Variants in GPC6 observed in about 807,000 individuals in gnomAD.
GPC6 encodes glypican 6.
A neutral mutation model predicts 55.2 loss-of-function variants in GPC6; 14 were observed. The ratio of observed to expected loss-of-function variants is 0.25; its 90% CI spans 0.17 to 0.40. GPC6 has a LOEUF of 0.40. Ranked by LOEUF, GPC6 falls within the 10% of genes least tolerant of loss-of-function variation. The probability of loss-of-function intolerance (pLI) is 1.00; values close to 1 mark genes in which losing one functional copy is unlikely to be tolerated. For synonymous variants in GPC6, 278 were observed against 259.6 expected (o/e 1.07, Z -0.68); for missense variants, 641 against 708.5 (o/e 0.90, Z 1.08).
At chr13:94,236,211 CT>C (rs1890872394) in intron 4 of GPC6, among the ~76,000 whole-genome samples, 1 of 152,218 alleles carries the variant, frequency 6.6e-6, no homozygotes, top group Middle Eastern at 3.4e-3. Context: ...CTGAGTCCCC[CT>C]ATTAGATAAA....
chr13:94,401,946 A>ATTGC (rs1881151957), intron 8 of GPC6, among the ~76,000 whole-genome samples: 1 of 146,078 alleles, frequency 6.8e-6, no homozygotes, highest in Non-Finnish European at 1.5e-5. Flanking sequence ...TGATTGATTG[A>ATTGC]TAGATAGATA....
chr13:94,060,893 A>G (rs1051447249), intron 4 of GPC6, among the ~76,000 whole-genome samples: 12 of 152,220 alleles, frequency 7.9e-5, no homozygotes, highest in South Asian at 2.1e-4. Context: ...TGTTGAAAGT[A>G]ATTGTACATG....
intron 4 of GPC6, among the ~76,000 whole-genome samples, chr13:94,055,589 CTG>C (rs769355936): frequency 5.9e-5 from 9 of 152,188 alleles, no homozygotes; most frequent in East Asian, 1.9e-4. Context: ...ACTGAATAAA[CTG>C]TAAGTAAACC....
intron 1 of GPC6, among the ~76,000 whole-genome samples, chr13:93,506,918 G>A (rs938123955): frequency 1.0e-4 from 15 of 150,300 alleles, no homozygotes; most frequent in African/African-American, 2.0e-4. Flanking sequence ...AAAATTAGCC[G>A]GGCGTGGCGG....
chr13:93,938,710 T>C (rs1187806422), intron 3 of GPC6, among the ~76,000 whole-genome samples: 4 of 152,154 alleles, frequency 2.6e-5, no homozygotes. Context: ...ACTCACACCT[T>C]GAAAGAATTG....
At chr13:94,196,730 T>G (rs1470378305) in intron 4 of GPC6, among the ~76,000 whole-genome samples, 1 of 152,212 alleles carries the variant, frequency 6.6e-6, no homozygotes, top group Non-Finnish European at 1.5e-5. Flanking sequence ...CATAAGGCGT[T>G]TCTTAAACAT....
intron 2 of GPC6, among the ~76,000 whole-genome samples, chr13:93,549,165 C>T (rs1009593347): frequency 3.9e-5 from 6 of 152,140 alleles, no homozygotes; most frequent in Non-Finnish European, 8.8e-5. Context: ...AAGACCCAAT[C>T]TAGTACATCA....
chr13:93,702,664 A>G (rs1882713208), intron 2 of GPC6, among the ~76,000 whole-genome samples: 1 of 152,010 alleles, frequency 6.6e-6, no homozygotes, highest in Non-Finnish European at 1.5e-5. Flanking sequence ...TATCATAGCT[A>G]GGTCTCCTAG....
At chr13:94,305,941 C>T (rs1439551561) in intron 5 of GPC6, 39 bp from the exon 6 acceptor site, 1 of 1,605,452 alleles carries the variant, frequency 6.2e-7, no homozygotes, top group Non-Finnish European at 8.5e-7. Context: ...GGAGAAAACT[C>T]ATTGTATAGC....
At chr13:94,223,695 C>T (rs1325968) in intron 4 of GPC6, among the ~76,000 whole-genome samples, 74,875 of 151,962 alleles carry the variant, frequency 0.49, 18,505 homozygotes, top group African/African-American at 0.52. Context: ...TCATTATCAT[C>T]TTACACATGA....
At chr13:94,400,828 G>T (rs1881096950) in intron 8 of GPC6, among the ~76,000 whole-genome samples, 1 of 152,128 alleles carries the variant, frequency 6.6e-6, no homozygotes, top group South Asian at 2.1e-4. Context: ...TCCTTACAAA[G>T]CTTCCAGTTT....
At chr13:93,789,177 C>T (rs112909047) in intron 2 of GPC6, among the ~76,000 whole-genome samples, 24 of 152,184 alleles carry the variant, frequency 1.6e-4, no homozygotes, top group African/African-American at 4.3e-4. Context: ...AGCTCTGCTT[C>T]GTCTCTTTTA....
chr13:93,772,661 C>A (rs1164414230), intron 2 of GPC6, among the ~76,000 whole-genome samples: 2 of 151,970 alleles, frequency 1.3e-5, no homozygotes, highest in African/African-American at 4.8e-5. Context: ...AAAGGCAAAG[C>A]AAATGGAAGG....
At chr13:94,245,623 T>C (rs1365939917) in intron 4 of GPC6, among the ~76,000 whole-genome samples, 1 of 152,048 alleles carries the variant, frequency 6.6e-6, no homozygotes, top group Admixed American at 6.6e-5. Flanking sequence ...TTTCTTTCTA[T>C]ATCTGGCTTA....
intron 1 of GPC6, among the ~76,000 whole-genome samples, chr13:93,267,258 A>G (rs1162795816): frequency 6.6e-6 from 1 of 152,048 alleles, no homozygotes; most frequent in African/African-American, 2.4e-5. Flanking sequence ...TAGAAATGCA[A>G]TTTTCTCTTA....
intron 3 of GPC6, among the ~76,000 whole-genome samples, chr13:93,908,040 G>A (rs1279490020): frequency 1.3e-5 from 2 of 152,076 alleles, no homozygotes; most frequent in Non-Finnish European, 2.9e-5. Context: ...TTTGATGGGA[G>A]ACAGGAAGTG....
intron 1 of GPC6, among the ~76,000 whole-genome samples, chr13:93,231,362 T>TATATATATATATATATAC (rs1876020589): frequency 1.2e-4 from 1 of 8,160 alleles, no homozygotes; most frequent in Non-Finnish European, 2.6e-4. Context: ...TATATATACG[T>TATATATATATATATATAC]ATATATATAT....
intron 1 of GPC6, among the ~76,000 whole-genome samples, chr13:93,276,185 G>C (rs1877729341): frequency 6.6e-6 from 1 of 152,058 alleles, no homozygotes; most frequent in African/African-American, 2.4e-5. Context: ...GAATTTTTAA[G>C]TATTTTATGT....
At chr13:93,949,903 T>A (rs144861611) in intron 3 of GPC6, among the ~76,000 whole-genome samples, 1 of 152,150 alleles carries the variant, frequency 6.6e-6, no homozygotes, top group East Asian at 1.9e-4. Flanking sequence ...ATTTTTGTAT[T>A]TTTTGTAGAG....
Sources: allele counts gnomAD v4.1 joint callset (sites outside exome capture counted in the v4.1 genomes callset), GRCh38; gene constraint gnomAD v4.1.1; transcripts MANE v1.5; gene names NCBI Gene and HGNC (gene_info 2026-07-23, HGNC 2026-07-21).